The following NMNAT2 variants were observed in gnomAD, a reference collection of about 807,000 sequenced individuals.
The protein encoded by NMNAT2 is nicotinamide nucleotide adenylyltransferase 2, also known as nicotinamide/nicotinic acid mononucleotide adenylyltransferase 2.
Under a neutral mutation model 41.6 loss-of-function variants are expected in NMNAT2, and 11 were observed. The ratio of observed to expected loss-of-function variants is 0.26; its 90% CI spans 0.17 to 0.44. The LOEUF is 0.44. Ranked by LOEUF, NMNAT2 falls within the 20% of genes least tolerant of loss-of-function variation. The pLI is 1.00. For synonymous variants in NMNAT2, 148 were observed against 151.2 expected (o/e 0.98, Z 0.16); for missense variants, 288 against 407.7 (o/e 0.71, Z 2.53).
intron 1 of NMNAT2, among the ~76,000 whole-genome samples, chr1:183,328,356 A>G (rs1662512696): frequency 6.6e-6 from 1 of 152,198 alleles, no homozygotes; most frequent in South Asian, 2.1e-4. Flanking sequence ...CTCAGAGAGC[A>G]TTTTGAAAAG....
intron 8 of NMNAT2, among the ~76,000 whole-genome samples, chr1:183,264,201 C>T (rs1361652620): frequency 6.6e-6 from 1 of 151,872 alleles, no homozygotes; most frequent in Non-Finnish European, 1.5e-5. Flanking sequence ...AATAATGGGT[C>T]TATATAAAGT....
intron 1 of NMNAT2, among the ~76,000 whole-genome samples, chr1:183,300,591 C>G (rs1412626640): frequency 6.6e-6 from 1 of 152,116 alleles, no homozygotes; most frequent in Non-Finnish European, 1.5e-5. Flanking sequence ...CCCAAATGGA[C>G]TAAGTCAGTA....
chr1:183,284,009 C>T lies in NMNAT2; in HGVS notation c.560G>A (p.Arg187Gln), dbSNP rs757324951. The change falls in exon 7 of 11, where the codon CGG (arginine) becomes CAG (glutamine). Residue 187 changes from arginine (R) to glutamine (Q), a missense_variant. Physicochemically the swap from Arg to Gln is conservative, Grantham distance 43. Transcript: ENST00000287713. ...GTCCCACTCACCAATCTCTTCATAC[C>T]GCATCACCGTGCCCAGATTGGCATT... is the stretch of plus-strand genomic sequence containing the variant. ...DENANLGTVM[R>Q]YEEIELRILL... The T allele has an allele frequency of 8.7e-6, 14 of 1,613,796 alleles. No individual in the cohort carries two copies. The highest frequency in any genetic ancestry group is 1.7e-5 in the Admixed American group (1 of 59,992).
In NMNAT2 at chr1:183,280,088, A is replaced by C. The variant is rs534363414; in HGVS notation, c.575-1459T>G. 2.6e-5 allele frequency among the ~76,000 whole-genome samples: 4 copies of C among 152,224 alleles called. No individual in the cohort carries two copies. In the South Asian group the frequency reaches 8.3e-4, roughly 32 times the overall value. On this transcript the variant is annotated intron_variant, in intron 7 of 10. Coordinates refer to ENST00000287713, the MANE Select transcript of NMNAT2 (RefSeq NM_015039.4). The stretch of plus-strand genomic sequence containing the variant: ...ACTGGGGAGAATGTTTGCCTGAGTC[A>C]GTGGCGCCTCTGCGTTGCGCCATAG...
At chr1:183,372,481 G>A (rs1237953177) in intron 1 of NMNAT2, among the ~76,000 whole-genome samples, 2 of 152,110 alleles carry the variant, frequency 1.3e-5, no homozygotes, top group Non-Finnish European at 2.9e-5. Context: ...ACAAGCCTCA[G>A]CCTCCAAACA....
In NMNAT2 at chr1:183,312,175, A is replaced by T. The variant is rs532787379; in HGVS notation, c.86-18382T>A. On this transcript the variant is annotated intron_variant, in intron 1 of 10. Coordinates refer to ENST00000287713, the MANE Select transcript of NMNAT2 (RefSeq NM_015039.4). The stretch of plus-strand genomic sequence containing the variant: ...CACCATGACAGATTTAGAAATTTAT[A>T]AGCATACTATGAAATAGAAGATAAT... 1.8e-4 allele frequency among the ~76,000 whole-genome samples: 28 copies of T among 152,294 alleles called. No homozygotes were observed. In the South Asian group the frequency reaches 5.6e-3, roughly 30 times the overall value.
At chr1:183,323,674 T>TG (rs1172419209) in intron 1 of NMNAT2, among the ~76,000 whole-genome samples, 2 of 152,190 alleles carry the variant, frequency 1.3e-5, no homozygotes, top group East Asian at 3.9e-4. Context: ...TCCATTAGTA[T>TG]GGGTGAGCTG....
chr1:183,255,708 G>C (rs1014131267), intron 10 of NMNAT2, among the ~76,000 whole-genome samples: 3 of 148,034 alleles, frequency 2.0e-5, no homozygotes, highest in African/African-American at 7.5e-5. Context: ...CTGTCACCCA[G>C]GCAGGCATGC....
At chr1:183,357,219 C>CTTTTTTTTT (rs11343113) in intron 1 of NMNAT2, among the ~76,000 whole-genome samples, 1 of 71,600 alleles carries the variant, frequency 1.4e-5, no homozygotes, top group Non-Finnish European at 2.7e-5. Context: ...ACATCAAATT[C>CTTTTTTTTT]TTTTTTTTTT....
chr1:183,359,073 C>T (rs1377666324), intron 1 of NMNAT2, among the ~76,000 whole-genome samples: 3 of 151,656 alleles, frequency 2.0e-5, no homozygotes, highest in Admixed American at 6.6e-5. Flanking sequence ...TCCTTTCTAT[C>T]TTGACTTTTT....
chr1:183,336,968 T>G (rs1008662573), intron 1 of NMNAT2, among the ~76,000 whole-genome samples: 1 of 152,194 alleles, frequency 6.6e-6, no homozygotes, highest in African/African-American at 2.4e-5. Context: ...CTGTTTAATT[T>G]CATTAAACTA....
chr1:183,416,124 T>C (rs904565631), intron 1 of NMNAT2, among the ~76,000 whole-genome samples: 3 of 152,244 alleles, frequency 2.0e-5, no homozygotes, highest in Admixed American at 2.0e-4. Flanking sequence ...TCATGGAGAA[T>C]TGGCAGGTCA....
chr1:183,321,076 T>C (rs186985611), intron 1 of NMNAT2, among the ~76,000 whole-genome samples: 437 of 152,320 alleles, frequency 2.9e-3, no homozygotes, highest in Admixed American at 5.8e-3. Flanking sequence ...AGAACAATAC[T>C]GCAAGATTTA....
At chr1:183,291,297 A>C (rs925481725) in intron 3 of NMNAT2, among the ~76,000 whole-genome samples, 1 of 152,030 alleles carries the variant, frequency 6.6e-6, no homozygotes, top group Non-Finnish European at 1.5e-5. Context: ...ACACATGCCT[A>C]AAGTGCCCAG....
intron 1 of NMNAT2, among the ~76,000 whole-genome samples, chr1:183,294,803 A>T (rs576825639): frequency 4.5e-4 from 68 of 152,122 alleles, no homozygotes; most frequent in Non-Finnish European, 7.6e-4. Context: ...ACAAAACAAA[A>T]CAAAACAAAA....
At chr1:183,371,797 T>G (rs1051364760) in intron 1 of NMNAT2, among the ~76,000 whole-genome samples, 1 of 152,136 alleles carries the variant, frequency 6.6e-6, no homozygotes, top group African/African-American at 2.4e-5. Context: ...TTGTTTGTTT[T>G]GAAACAGGGT....
intron 2 of NMNAT2, 73 bp from the exon 3 acceptor site, chr1:183,292,930 C>T (rs1301343994): frequency 2.2e-6 from 3 of 1,386,530 alleles, no homozygotes; most frequent in Non-Finnish European, 3.1e-6. Flanking sequence ...CCAGCCCAAG[C>T]CCACCCATTG....
At chr1:183,293,660 G>A (rs1463138353) in intron 2 of NMNAT2, 45 bp downstream of exon 2, 10 of 1,389,774 alleles carry the variant, frequency 7.2e-6, no homozygotes, top group Non-Finnish European at 1.0e-5. Context: ...GCCAGGGATG[G>A]GGGGACGGGG....
At chr1:183,288,168 C>T (rs747364773) in intron 4 of NMNAT2, among the ~76,000 whole-genome samples, 1 of 152,184 alleles carries the variant, frequency 6.6e-6, no homozygotes, top group Non-Finnish European at 1.5e-5. Context: ...CACTGTGGGT[C>T]GCATTTGACT....
Sources: allele counts gnomAD v4.1 joint callset (sites outside exome capture counted in the v4.1 genomes callset), GRCh38; gene constraint gnomAD v4.1.1; transcripts MANE v1.5; gene names NCBI Gene and HGNC (gene_info 2026-07-23, HGNC 2026-07-21).